POLR3H: variants seen among roughly 807,000 people sequenced by gnomAD.
The protein encoded by POLR3H is RNA polymerase III subunit H, also known as DNA-directed RNA polymerase III subunit RPC8.
Under a neutral mutation model 25.5 loss-of-function variants are expected in POLR3H, and 17 were observed. The observed-to-expected ratio is 0.67, with a 90% CI of 0.46 to 1.00. The LOEUF (loss-of-function observed/expected upper bound fraction) is 1.00, where lower values mean the gene tolerates loss of function less well. POLR3H is among the 50% of genes least tolerant of loss of function. The pLI is 0.00. For synonymous variants in POLR3H, 129 were observed against 103.0 expected (o/e 1.25, Z -1.53); for missense variants, 274 against 265.0 (o/e 1.03, Z -0.24).
intron 4 of POLR3H, among the ~76,000 whole-genome samples, chr22:41,531,179 C>T (rs965579981): frequency 2.6e-5 from 4 of 152,304 alleles, no homozygotes; most frequent in African/African-American, 9.6e-5. Context: ...AGACAGGGTC[C>T]GAGTCCCACC....
In POLR3H at chr22:41,526,973, G is replaced by A. The variant is rs1401727919; in HGVS notation, c.*2310C>T. 4.4e-6 allele frequency: 2 copies of A among 457,540 alleles called. No homozygotes were observed. Among genetic ancestry groups the A allele is most frequent in the Non-Finnish European group, 7.9e-6 (2 of 253,756 alleles). 28.3% of individuals were successfully genotyped at this position (457,540 alleles called of 1,614,324 possible). The stretch of plus-strand genomic sequence containing the variant: ...GCTTCACAGATGCATCTTGTGTGGG[G>A]CCCGGAGGCCGTCCCTGTCTCACCC... On this transcript the variant is annotated 3_prime_UTR_variant, in exon 6 of 6. Coordinates refer to ENST00000355209, the MANE Select transcript of POLR3H (RefSeq NM_001018050.4).
chr22:41,533,605 T>C (rs2066787701), intron 2 of POLR3H: 5 of 1,301,772 alleles, frequency 3.8e-6, no homozygotes, highest in South Asian at 3.7e-5. Context: ...GTCAACCATT[T>C]AGTCGGCCAA....
intron 2 of POLR3H, among the ~76,000 whole-genome samples, chr22:41,533,205 C>T (rs561820294): frequency 6.6e-6 from 1 of 152,210 alleles, no homozygotes; most frequent in Admixed American, 6.5e-5. Context: ...AGCAAAAATG[C>T]CTCTGTGGGT....
intron 5 of POLR3H, among the ~76,000 whole-genome samples, chr22:41,530,300 T>A (rs1217639080): frequency 6.6e-6 from 1 of 151,406 alleles, no homozygotes; most frequent in African/African-American, 2.4e-5. Context: ...TAGAGACAAC[T>A]TCTCACTTTT....
chr22:41,533,994 C>T (rs1029129642), intron 2 of POLR3H, among the ~76,000 whole-genome samples: 4 of 152,108 alleles, frequency 2.6e-5, no homozygotes, highest in Admixed American at 1.3e-4. Context: ...AAAAATTAGC[C>T]GGGTGTGGTA....
At position 41,528,034 on chromosome 22, in the gene POLR3H, G is replaced by A. The variant is rs541640965; in HGVS notation, c.*1249C>T. 130 of 1,613,868 alleles carry A rather than the reference G, an allele frequency of 8.1e-5. No homozygotes were observed. The highest frequency in any genetic ancestry group is 1.0e-4 in the Non-Finnish European group (118 of 1,179,994). On this transcript the variant is annotated 3_prime_UTR_variant, in exon 6 of 6. Transcript: ENST00000355209. ...TCACCCCTGGCAAGGTTAGGGGCCCGGGTCCCCCTGAGGTGGTGGGGTGAG... is the reference window on the plus strand; with the variant it reads ...TCACCCCTGGCAAGGTTAGGGGCCCAGGTCCCCCTGAGGTGGTGGGGTGAG...
intron 1 of POLR3H, 139 bp from the exon 2 acceptor site, chr22:41,540,934 G>T: frequency 4.5e-6 from 3 of 661,242 alleles, no homozygotes; most frequent in South Asian, 1.8e-5. Flanking sequence ...TGAGTTTGTG[G>T]AGGGGACCAG....
In POLR3H at chr22:41,527,101, G is replaced by T; in HGVS notation, c.*2182C>A. The T allele has an allele frequency of 1.2e-6, 1 of 816,640 alleles. No individual in the cohort carries two copies. The highest frequency in any genetic ancestry group is 1.9e-6 in the Non-Finnish European group (1 of 531,114). 50.6% of individuals were successfully genotyped at this position (816,640 alleles called of 1,614,324 possible). On this transcript the variant is annotated 3_prime_UTR_variant, in exon 6 of 6. Coordinates refer to ENST00000355209, the MANE Select transcript of POLR3H (RefSeq NM_001018050.4). ...CGTGCCTCTGTCCCCTCGGGGCCTC[G>T]TTTGGGTCTCATTCACGCAGGCTTC...
chr22:41,533,609 C>T (rs1039717377), intron 2 of POLR3H: 18 of 1,301,668 alleles, frequency 1.4e-5, no homozygotes, highest in South Asian at 4.9e-5. Context: ...ACCATTTAGT[C>T]GGCCAACATG....
At position 41,529,199 on chromosome 22, in the gene POLR3H, G is replaced by T; in HGVS notation, c.*84C>A. 1 of 1,225,466 alleles carries T rather than the reference G, an allele frequency of 8.2e-7. No homozygotes were observed. Among genetic ancestry groups the T allele is most frequent in the Non-Finnish European group, 1.2e-6 (1 of 859,056 alleles). The allele number at this position is 1,225,466 out of a possible 1,614,324, so 75.9% of individuals were successfully genotyped here. On this transcript the variant is annotated 3_prime_UTR_variant, in exon 6 of 6. Coordinates refer to ENST00000355209, the MANE Select transcript of POLR3H (RefSeq NM_001018050.4). ...TCCAGCTCGAGACACTATCTCCTTA[G>T]CATCGGCCTCAGCTGCTGTTGTCTT...
At chr22:41,534,605 A>C (rs2145553776) in intron 2 of POLR3H, among the ~76,000 whole-genome samples, 1 of 152,204 alleles carries the variant, frequency 6.6e-6, no homozygotes, top group African/African-American at 2.4e-5. Context: ...AACGCTGTGG[A>C]ATGGCCCCGC....
chr22:41,532,834 T>C (rs2066767539), intron 2 of POLR3H, 89 bp from the exon 3 acceptor site: 3 of 1,416,932 alleles, frequency 2.1e-6, no homozygotes, highest in Non-Finnish European at 2.9e-6. Context: ...CCTGGGGGCC[T>C]GTGTGGCTGC....
chr22:41,532,202 T>C (rs1170510479), intron 3 of POLR3H, 45 bp from the exon 4 acceptor site: 17 of 1,578,970 alleles, frequency 1.1e-5, no homozygotes, highest in Non-Finnish European at 1.5e-5. Context: ...GGGGTCCCAG[T>C]GGACGCCAAA....
At chr22:41,529,662 C>T (rs180870337) in intron 5 of POLR3H, 1 of 644,526 alleles carries the variant, frequency 1.6e-6, no homozygotes, top group Admixed American at 1.8e-5. Flanking sequence ...CCAGACGCAT[C>T]CAACAGGGAG....
chr22:41,542,366 G>A (rs1402838388), intron 1 of POLR3H, among the ~76,000 whole-genome samples: 3 of 152,188 alleles, frequency 2.0e-5, no homozygotes, highest in Admixed American at 6.5e-5. Context: ...TTACAGGTGT[G>A]AGCCCCCACG....
Position 41,527,758 on chromosome 22 carries a change from A to G in POLR3H, c.*1525T>C. The G allele has an allele frequency of 7.3e-7, 1 of 1,371,294 alleles. No individual in the cohort carries two copies. The highest frequency in any genetic ancestry group is 9.9e-7 in the Non-Finnish European group (1 of 1,009,300). The allele number at this position is 1,371,294 out of a possible 1,614,324, so 84.9% of individuals were successfully genotyped here. On this transcript the variant is annotated 3_prime_UTR_variant, in exon 6 of 6. Coordinates refer to ENST00000355209, the MANE Select transcript of POLR3H (RefSeq NM_001018050.4). ...AGGGGCACCCCTAGTGAAAGGGAGC[A>G]GACCAGGGCCCCATAGTCACTGCCC...
Position 41,531,318 on chromosome 22 carries a change from TCA to T in POLR3H, c.360-432_360-431del, listed in dbSNP as rs1456842495. ...CAAGAGGACATAGTGGGATGGGAGG[TCA>T]CCTGCCCACTTGGATGACAGGTGGT... On this transcript the variant is annotated intron_variant, in intron 4 of 5. Coordinates refer to ENST00000355209, the MANE Select transcript of POLR3H (RefSeq NM_001018050.4). Among the ~76,000 whole-genome samples, 4 of 152,158 alleles carry T rather than the reference TCA, an allele frequency of 2.6e-5. No homozygotes were observed. In the East Asian group the frequency reaches 7.7e-4, roughly 29 times the overall value.
In POLR3H at chr22:41,528,383, A is replaced by C; in HGVS notation, c.*900T>G. On this transcript the variant is annotated 3_prime_UTR_variant, in exon 6 of 6. Coordinates refer to ENST00000355209, the MANE Select transcript of POLR3H (RefSeq NM_001018050.4). Reference sequence around the variant, plus strand: ...GATTTGGTTTGCCTGCTGACCTCTTAGGTCCCCAGGCAGTGCCCTGTCTCC... The same window carrying C: ...GATTTGGTTTGCCTGCTGACCTCTTCGGTCCCCAGGCAGTGCCCTGTCTCC... The C allele has an allele frequency of 2.0e-6, 3 of 1,522,374 alleles. No homozygotes were observed. In the Admixed American group the frequency reaches 5.8e-5, roughly 30 times the overall value. The allele number at this position is 1,522,374 out of a possible 1,614,324, so 94.3% of individuals were successfully genotyped here.
In POLR3H at chr22:41,540,785, T is replaced by C; in HGVS notation, c.122A>G (p.Asn41Ser). The stretch of plus-strand genomic sequence containing the variant: ...AAACAGACAAATGCAGAGTCCCACG[T>C]TGTACACGACCTGCATGCATACAAA... Reference protein sequence around the residue: ...NKKLANKVVYNVGLCICLFDI... With the variant: ...NKKLANKVVYSVGLCICLFDI... Residue 41 changes from asparagine to serine, a missense_variant, in exon 2 of 6, where the codon AAC becomes AGC. Asn to Ser is a conservative substitution (Grantham distance 46, BLOSUM62 1). Transcript: ENST00000355209. The C allele has an allele frequency of 6.2e-7, 1 of 1,613,726 alleles. No homozygotes were observed. The highest frequency in any genetic ancestry group is 8.5e-7 in the Non-Finnish European group (1 of 1,179,632).
Sources: gnomAD v4.1 joint callset for allele counts (sites outside exome capture counted in the v4.1 genomes callset) on GRCh38, gnomAD v4.1.1 for gene constraint, MANE v1.5 for transcripts, NCBI Gene and HGNC (gene_info 2026-07-23, HGNC 2026-07-21) for gene names.